The following GRID2 variants were observed in gnomAD, a reference collection of about 807,000 sequenced individuals.
GRID2 encodes the protein glutamate ionotropic receptor delta type subunit 2.
Under a neutral mutation model 114.8 loss-of-function variants are expected in GRID2, and 33 were observed. That is an observed-to-expected ratio of 0.29 (90% CI 0.22 to 0.38). The LOEUF (loss-of-function observed/expected upper bound fraction) is 0.38, where lower values mean the gene tolerates loss of function less well. GRID2 is among the 10% of genes least tolerant of loss of function. The pLI is 1.00. For synonymous variants in GRID2, 505 were observed against 449.9 expected, an observed-to-expected ratio of 1.12 and a Z score of -1.55; for missense variants, 1,184 against 1,257.7, an observed-to-expected ratio of 0.94 and a Z score of 0.89.
intron 14 of GRID2, among the ~76,000 whole-genome samples, chr4:93,751,585 A>G (rs1427364009): frequency 6.6e-6 from 1 of 152,120 alleles, no homozygotes; most frequent in Non-Finnish European, 1.5e-5. Context: ...TGCAGCTGTG[A>G]ATTTGCTGTA....
chr4:93,257,759 A>G (rs986415787), intron 8 of GRID2, among the ~76,000 whole-genome samples: 1 of 151,372 alleles, frequency 6.6e-6, no homozygotes, highest in Non-Finnish European at 1.5e-5. Flanking sequence ...TTTTTGAAAG[A>G]TAGCATGATG....
At chr4:93,028,747 A>G (rs1331340538) in intron 2 of GRID2, among the ~76,000 whole-genome samples, 1 of 152,054 alleles carries the variant, frequency 6.6e-6, no homozygotes, top group Admixed American at 6.6e-5. Flanking sequence ...GGGAGCCTAT[A>G]CTTTCATTTT....
At position 93,754,018 on chromosome 4, in the gene GRID2, T is replaced by C. The variant is rs888304560; in HGVS notation, c.2361-15192T>C. Among the ~76,000 whole-genome samples, 25 of 152,222 alleles carry C rather than the reference T, an allele frequency of 1.6e-4. 1 individual carries two copies. The highest frequency in any genetic ancestry group is 1.6e-3 in the Admixed American group (25 of 15,280). ...ACACAAATCTAGACGGTATAGCCTA[T>C]GAAACCCAGGTTATATGGTATAGGT... On this transcript the variant is annotated intron_variant, in intron 14 of 15. Transcript: ENST00000282020.
At chr4:92,967,912 CAGG>C (rs1235495440) in intron 2 of GRID2, among the ~76,000 whole-genome samples, 2 of 151,854 alleles carry the variant, frequency 1.3e-5, no homozygotes, top group Non-Finnish European at 2.9e-5. Context: ...GAAAGCGGTG[CAGG>C]ATGTATCTCT....
At chr4:92,353,530 CT>C (rs1464500874) in intron 1 of GRID2, among the ~76,000 whole-genome samples, 3 of 152,016 alleles carry the variant, frequency 2.0e-5, no homozygotes, top group African/African-American at 7.2e-5. Context: ...TGTCTAGTGA[CT>C]TTTCCAAACT....
intron 2 of GRID2, among the ~76,000 whole-genome samples, chr4:92,810,752 T>C (rs1428285527): frequency 6.6e-6 from 1 of 152,054 alleles, no homozygotes; most frequent in Non-Finnish European, 1.5e-5. Flanking sequence ...AGGTTTTAAT[T>C]TTTTGCTTGC....
intron 2 of GRID2, among the ~76,000 whole-genome samples, chr4:93,025,675 A>G (rs1477321525): frequency 6.6e-6 from 1 of 151,732 alleles, no homozygotes; most frequent in Non-Finnish European, 1.5e-5. Flanking sequence ...CCTTCCTTGC[A>G]GTAAGTAGCT....
At chr4:93,487,113 A>C in intron 11 of GRID2, among the ~76,000 whole-genome samples, 1 of 151,740 alleles carries the variant, frequency 6.6e-6, no homozygotes, top group East Asian at 1.9e-4. Flanking sequence ...TTTGTACATA[A>C]GTTATCCTTC....
chr4:92,359,489 T>TCACAGGAAAAGCCCAGCACAATG (rs1319838236), intron 1 of GRID2, among the ~76,000 whole-genome samples: 3 of 151,906 alleles, frequency 2.0e-5, no homozygotes, highest in African/African-American at 7.2e-5. Context: ...AGGATGTAAT[T>TCACAGGAAAAGCCCAGCACAATG]CACAGGAAAA....
rs528615489 is a variant in GRID2 at position 93,040,655 on chromosome 4, A to G, written c.245-44340A>G. 5.3e-5 allele frequency among the ~76,000 whole-genome samples: 8 copies of G among 152,266 alleles called. No homozygotes were observed. In the East Asian group the frequency reaches 1.5e-3, roughly 29 times the overall value. On this transcript the variant is annotated intron_variant, in intron 2 of 15. Transcript: ENST00000282020. ...TCACTTGTTCAATGAGTCACTGGGTATTTTAACAATGAAAAATCGGTCGGA... is the reference window on the plus strand; with the variant it reads ...TCACTTGTTCAATGAGTCACTGGGTGTTTTAACAATGAAAAATCGGTCGGA...
chr4:93,024,993 G>C, intron 2 of GRID2, among the ~76,000 whole-genome samples: 1 of 151,692 alleles, frequency 6.6e-6, no homozygotes, highest in East Asian at 1.9e-4. Flanking sequence ...CCATATAAGT[G>C]CATATTAGAG....
intron 14 of GRID2, among the ~76,000 whole-genome samples, chr4:93,744,288 T>C (rs1731661653): frequency 6.6e-6 from 1 of 152,190 alleles, no homozygotes; most frequent in Non-Finnish European, 1.5e-5. Context: ...AAGAAATACA[T>C]TTTGGCTGTA....
At chr4:93,515,113 A>G in intron 12 of GRID2, 103 bp from the exon 13 acceptor site, 2 of 469,266 alleles carry the variant, frequency 4.3e-6, no homozygotes, top group Non-Finnish European at 3.8e-6. Context: ...AATTTGATAT[A>G]TGTTTCCACA....
intron 13 of GRID2, among the ~76,000 whole-genome samples, chr4:93,536,433 A>C (rs554953337): frequency 6.6e-6 from 1 of 151,956 alleles, no homozygotes; most frequent in Admixed American, 6.6e-5. Flanking sequence ...TTGACACGGA[A>C]ATCAAGAATA....
chr4:92,830,601 AT>A (rs1288254936), intron 2 of GRID2, among the ~76,000 whole-genome samples: 1 of 152,166 alleles, frequency 6.6e-6, no homozygotes, highest in East Asian at 1.9e-4. Flanking sequence ...TCATTTAAAA[AT>A]ATCTTTAAAG....
intron 1 of GRID2, among the ~76,000 whole-genome samples, chr4:92,326,323 A>G (rs2110135397): frequency 6.6e-6 from 1 of 152,072 alleles, no homozygotes; most frequent in Non-Finnish European, 1.5e-5. Context: ...CATTTTAATG[A>G]AAAATGACTT....
rs189214979 is a variant in GRID2, at chr4:93,527,167, A to G, written c.2193+11756A>G. Reference sequence around the variant, plus strand: ...GCTAAATTCAATTCTCTGACTAAACATAAATGCCATGACTATTAGCATATC... The same window carrying G: ...GCTAAATTCAATTCTCTGACTAAACGTAAATGCCATGACTATTAGCATATC... On this transcript the variant is annotated intron_variant, in intron 13 of 15. Coordinates refer to ENST00000282020, the MANE Select transcript of GRID2 (RefSeq NM_001510.4). Among the ~76,000 whole-genome samples the G allele has an allele frequency of 1.5e-3, 223 of 152,330 alleles. 1 individual carries two copies. Among genetic ancestry groups the G allele is most frequent in the African/African-American group, 4.5e-3 (187 of 41,582 alleles).
chr4:93,233,253 G>C (rs1181456256), intron 7 of GRID2, among the ~76,000 whole-genome samples: 1 of 151,878 alleles, frequency 6.6e-6, no homozygotes, highest in East Asian at 1.9e-4. Context: ...GACCATCAAG[G>C]GTTTGATAAA....
At chr4:93,038,571 A>G (rs1725157821) in intron 2 of GRID2, among the ~76,000 whole-genome samples, 2 of 152,084 alleles carry the variant, frequency 1.3e-5, no homozygotes, top group South Asian at 2.1e-4. Flanking sequence ...CGGGTGGATC[A>G]TGAAGTCAGG....
Sources: allele counts gnomAD v4.1 joint callset (sites outside exome capture counted in the v4.1 genomes callset), GRCh38; gene constraint gnomAD v4.1.1; transcripts MANE v1.5; gene names NCBI Gene and HGNC (gene_info 2026-07-23, HGNC 2026-07-21).